Variants in TNXB observed in about 807,000 individuals in gnomAD.
TNXB encodes the protein tenascin XB.
Under a neutral mutation model 340.5 loss-of-function variants are expected in TNXB, and 183 were observed. That is an observed-to-expected ratio of 0.54 (90% CI 0.48 to 0.61). The LOEUF (loss-of-function observed/expected upper bound fraction) is 0.61. TNXB is among the 20% of genes least tolerant of loss of function. TNXB has a pLI of 0.00. For synonymous variants in TNXB, 2,121 were observed against 2,314.5 expected, an observed-to-expected ratio of 0.92 and a Z score of 2.40; for missense variants, 4,613 against 5,446.4, an observed-to-expected ratio of 0.85 and a Z score of 4.82.
chr6:32,087,913 G>A lies in TNXB; in HGVS notation c.2779+872C>T. On this transcript the variant is annotated intron_variant, in intron 6 of 43. Coordinates refer to ENST00000644971, the MANE Select transcript of TNXB (RefSeq NM_001365276.2). This position sits in a 1 kb window ranked among gnomAD's most constrained non-coding sequence, Gnocchi z 9.0. Reference sequence around the variant, plus strand: ...GGGCCAAGGGGGCCGTGGGGGCCGCGGGGCTGGGGCTGGCCGGGGCCGGGA... The same window carrying A: ...GGGCCAAGGGGGCCGTGGGGGCCGCAGGGCTGGGGCTGGCCGGGGCCGGGA... 1 of 343,230 alleles carries A rather than the reference G, an allele frequency of 2.9e-6. No individual in the cohort carries two copies. The highest frequency in any genetic ancestry group is 2.2e-5 in the South Asian group (1 of 45,680). 21.3% of individuals were successfully genotyped at this position (343,230 alleles called of 1,614,324 possible).
rs1259291379 is a variant in TNXB at position 32,067,882 on chromosome 6, G to A, written c.6323C>T (p.Pro2108Leu). 4 of 1,612,890 alleles carry A rather than the reference G, an allele frequency of 2.5e-6. No homozygotes were observed. Among genetic ancestry groups the A allele is most frequent in the Non-Finnish European group, 3.4e-6 (4 of 1,179,876 alleles). Residue 2108 changes from proline (P) to leucine (L), a missense_variant, in exon 18 of 44, where the codon CCT becomes CTT. Pro to Leu is a moderately conservative substitution (Grantham distance 98, BLOSUM62 -3). This residue lies in a region of TNXB where 4,327 missense variants were observed against 4,859.4 expected (regional missense o/e 0.89). Coordinates refer to ENST00000644971, the MANE Select transcript of TNXB (RefSeq NM_001365276.2). This position sits in a 1 kb window ranked among gnomAD's most constrained non-coding sequence, Gnocchi z 4.2. Reference protein sequence around the residue: ...LGELTVTGSSPDSLSLSWTVP... With the variant: ...LGELTVTGSSLDSLSLSWTVP... ...GGTCCAGGAGAGGCTCAGCGAGTCAGGGGAGGATCCTGTCACTGTTAGCTC... is the reference window on the plus strand; with the variant it reads ...GGTCCAGGAGAGGCTCAGCGAGTCAAGGGAGGATCCTGTCACTGTTAGCTC...
chr6:32,098,056 A>C lies in TNXB; in HGVS notation c.143T>G (p.Val48Gly), dbSNP rs1412694151. Residue 48 changes from valine to glycine, a missense_variant, in exon 2 of 44, where the codon GTG becomes GGG. Coordinates refer to ENST00000644971, the MANE Select transcript of TNXB (RefSeq NM_001365276.2). ...RPPPQPGGHT[V>G]GAGVGSPSSQ... is the part of the protein sequence containing the mutation. ...AGAGGGGCTTCCCACTCCAGCCCCC[A>C]CTGTGTGGCCCCCTGGCTGGGGAGG... is the stretch of plus-strand genomic sequence containing the variant. The C allele has an allele frequency of 3.1e-6, 5 of 1,606,766 alleles. No homozygotes were observed. In the Admixed American group the frequency reaches 8.3e-5, roughly 27 times the overall value.
At chr6:32,106,717 C>G (rs1780999214) in intron 1 of TNXB, among the ~76,000 whole-genome samples, 1 of 152,170 alleles carries the variant, frequency 6.6e-6, no homozygotes, top group African/African-American at 2.4e-5. Context: ...GAGAGCTGCC[C>G]TTTCCTGTCT....
At chr6:32,099,541 T>C (rs1254515424) in intron 1 of TNXB, among the ~76,000 whole-genome samples, 2 of 152,066 alleles carry the variant, frequency 1.3e-5, no homozygotes, top group Non-Finnish European at 2.9e-5. Context: ...CTTTCTAATA[T>C]AGAGACAGGA....
Position 32,070,520 on chromosome 6 carries a change from C to T in TNXB, c.4991-106G>A. Reference sequence around the variant, plus strand: ...ACTGCCCAAATGCTCAGTGCTTCCCCAAAATATTTCCATCACCTCCCATCC... The same window carrying T: ...ACTGCCCAAATGCTCAGTGCTTCCCTAAAATATTTCCATCACCTCCCATCC... On this transcript the variant is annotated intron_variant, in intron 13 of 43. Transcript: ENST00000644971. This position sits in a 1 kb window ranked among gnomAD's most constrained non-coding sequence, Gnocchi z 6.0. 8.1e-7 allele frequency: 1 copy of T among 1,229,144 alleles called. No homozygotes were observed. Among genetic ancestry groups the T allele is most frequent in the Non-Finnish European group, 1.1e-6 (1 of 904,694 alleles). The allele number at this position is 1,229,144 out of a possible 1,614,324, so 76.1% of individuals were successfully genotyped here.
At chr6:32,048,225 T>C in intron 29 of TNXB, 138 bp downstream of exon 29, 1 of 1,087,810 alleles carries the variant, frequency 9.2e-7, no homozygotes, top group Non-Finnish European at 1.3e-6. Context: ...AGAGGAGAGC[T>C]CAGGGCCTGG....
At position 32,081,649 on chromosome 6, in the gene TNXB, G is replaced by T. The variant is rs762130701; in HGVS notation, c.3761C>A (p.Pro1254His). ...GGGCTGCTCCAGGAACTCAGGGCGG[G>T]GGGGCTCCTCTTTCCTCTCTGGAGC... ...TTAPERKEEP[P>H]RPEFLEQPLL... Residue 1254 changes from proline (P) to histidine (H), a missense_variant, in exon 10 of 44, where the codon CCC (proline) becomes CAC (histidine). Pro to His is a moderately conservative substitution (Grantham distance 77, BLOSUM62 -2). Coordinates refer to ENST00000644971, the MANE Select transcript of TNXB (RefSeq NM_001365276.2). This position sits in a 1 kb window ranked among gnomAD's most constrained non-coding sequence, Gnocchi z 5.1. 5 of 1,590,924 alleles carry T rather than the reference G, an allele frequency of 3.1e-6. No individual in the cohort carries two copies. Among genetic ancestry groups the T allele is most frequent in the Non-Finnish European group, 4.3e-6 (5 of 1,168,974 alleles).
In TNXB at chr6:32,074,602, C is replaced by T. The variant is rs1778977131; in HGVS notation, c.4376-650G>A. On this transcript the variant is annotated intron_variant, in intron 11 of 43. Coordinates refer to ENST00000644971, the MANE Select transcript of TNXB (RefSeq NM_001365276.2). The surrounding 1 kb of genome is among the most constrained non-coding windows in gnomAD (Gnocchi z 5.5). Reference sequence around the variant, plus strand: ...CTTCCTTGGAGGCCTACTTGTGTGTCAAACTCAACAAGTCCAAAACTGAGC... The same window carrying T: ...CTTCCTTGGAGGCCTACTTGTGTGTTAAACTCAACAAGTCCAAAACTGAGC... Among the ~76,000 whole-genome samples, 1 of 152,170 alleles carries T rather than the reference C, an allele frequency of 6.6e-6. No individual in the cohort carries two copies. Among genetic ancestry groups the T allele is most frequent in the South Asian group, 2.1e-4 (1 of 4,830 alleles).
chr6:32,084,426 A>G lies in TNXB; in HGVS notation c.3432T>C (p.Ala1144=). Residue 1144 remains alanine (A), a synonymous_variant, in exon 8 of 44, where the codon GCT becomes GCC. Transcript: ENST00000644971. The surrounding 1 kb of genome is among the most constrained non-coding windows in gnomAD (Gnocchi z 5.5). ...GCTGTCACTCACAGATCTTGGCTTC[A>G]GCCACCAGCGGACCATGCCTCTTCT... The part of the protein sequence containing the change: ...VGKKRHGPLV[A]EAKILPQSDP... The G allele has an allele frequency of 6.3e-7, 1 of 1,589,508 alleles. No individual in the cohort carries two copies. The highest frequency in any genetic ancestry group is 8.6e-7 in the Non-Finnish European group (1 of 1,164,764).
In TNXB at chr6:32,051,414, TC is replaced by T. The variant is rs1777277336; in HGVS notation, c.9116-1094del. On this transcript the variant is annotated intron_variant, in intron 26 of 43. Transcript: ENST00000644971. This position sits in a 1 kb window ranked among gnomAD's most constrained non-coding sequence, Gnocchi z 4.7. The stretch of plus-strand genomic sequence containing the variant: ...GCAAGAAAAATTCGCTTCAACAAAT[TC>T]TAAGAGAGTTTCCAAATCTGTTACT... Among the ~76,000 whole-genome samples the T allele has an allele frequency of 6.6e-6, 1 of 152,168 alleles. No homozygotes were observed. The highest frequency in any genetic ancestry group is 1.5e-5 in the Non-Finnish European group (1 of 68,036).
At chr6:32,106,820 G>A (rs1348619435) in intron 1 of TNXB, among the ~76,000 whole-genome samples, 1 of 152,234 alleles carries the variant, frequency 6.6e-6, no homozygotes, top group African/African-American at 2.4e-5. Flanking sequence ...CTAAGGCCAT[G>A]CTAATCACTC....
chr6:32,096,240 CA>C lies in TNXB; in HGVS notation c.1612del (p.Cys538AlafsTer33). 1 of 1,569,014 alleles carries C rather than the reference CA, an allele frequency of 6.4e-7. No homozygotes were observed. On this transcript the variant is annotated frameshift_variant, in exon 3 of 44. Transcript: ENST00000644971. LOFTEE classifies it high-confidence loss of function. ...CPGDCRGHGL[C>X]EDGVCVCDAG... ...GTCACACACGCACACGCCATCCTCG[CA>C]AAGGCCGTGCCCACGGCAGTCCCCG...
intron 1 of TNXB, among the ~76,000 whole-genome samples, chr6:32,100,596 G>A (rs1780666223): frequency 6.6e-6 from 1 of 152,064 alleles, no homozygotes; most frequent in Admixed American, 6.6e-5. Flanking sequence ...GGGCGTGGTG[G>A]TACACCTGTA....
rs772832686 is a variant in TNXB, at chr6:32,049,511, C to T, written c.9516G>A (p.Leu3172=). Residue 3172 remains leucine (L), a synonymous_variant, in exon 28 of 44, where the codon TTG becomes TTA. Transcript: ENST00000644971. This position sits in a 1 kb window ranked among gnomAD's most constrained non-coding sequence, Gnocchi z 4.5. ...AGTCAGGGGAGGATCCTGTCACTGTCAACTCCCCCAGGAGCGGCTCCTCAG... is the reference window on the plus strand; with the variant it reads ...AGTCAGGGGAGGATCCTGTCACTGTTAACTCCCCCAGGAGCGGCTCCTCAG... The part of the protein sequence containing the change: ...EAPEEPLLGE[L]TVTGSSPDSL... 1.1e-5 allele frequency: 17 copies of T among 1,612,462 alleles called. No individual in the cohort carries two copies. In the Admixed American group the frequency reaches 1.8e-4, roughly 17 times the overall value.
At position 32,061,760 on chromosome 6, in the gene TNXB, G is replaced by A. The variant is rs754408449; in HGVS notation, c.7169-40C>T. 5.0e-6 allele frequency: 8 copies of A among 1,597,728 alleles called. No homozygotes were observed. In the African/African-American group the frequency reaches 1.1e-4, roughly 21 times the overall value. ...CACAGAGAGGATGGCAGGGTCCCTGGGGGATGTGCTTACGTCGTGGGGAAA... is the reference window on the plus strand; with the variant it reads ...CACAGAGAGGATGGCAGGGTCCCTGAGGGATGTGCTTACGTCGTGGGGAAA... On this transcript the variant is annotated intron_variant, in intron 20 of 43. Transcript: ENST00000644971. This position sits in a 1 kb window ranked among gnomAD's most constrained non-coding sequence, Gnocchi z 4.4.
At position 32,047,812 on chromosome 6, in the gene TNXB, T is replaced by C. The variant is rs917554856; in HGVS notation, c.10246A>G (p.Ser3416Gly). 1.2e-6 allele frequency: 2 copies of C among 1,610,878 alleles called. No individual in the cohort carries two copies. Among genetic ancestry groups the C allele is most frequent in the African/African-American group, 2.7e-5 (2 of 74,900 alleles). The change falls in exon 30 of 44, where the codon AGT becomes GGT. Residue 3416 changes from serine (S) to glycine (G), a missense_variant. Physicochemically the swap from Ser to Gly is moderately conservative, Grantham distance 56. Transcript: ENST00000644971. The surrounding 1 kb of genome is among the most constrained non-coding windows in gnomAD (Gnocchi z 6.2). ...REVTVQGLEP[S>G]RKYRFLLYGL... is the part of the protein sequence containing the mutation. ...TAGAGCAGGAACCTGTATTTCCTAC[T>C]GGGCTCCAGGCCCTGGACTGTGACC...
Position 32,062,086 on chromosome 6 carries a change from C to T in TNXB, c.7168+71G>A. The T allele has an allele frequency of 6.6e-7, 1 of 1,520,416 alleles. No homozygotes were observed. The highest frequency in any genetic ancestry group is 8.9e-7 in the Non-Finnish European group (1 of 1,124,956). 94.2% of individuals were successfully genotyped at this position (1,520,416 alleles called of 1,614,324 possible). On this transcript the variant is annotated intron_variant, in intron 20 of 43. Transcript: ENST00000644971. This position sits in a 1 kb window ranked among gnomAD's most constrained non-coding sequence, Gnocchi z 4.3. ...TGACCAGACCCGTCCCATTCCCCACCAGTCATCACCAAAGAGCAAGAGGGT... is the reference window on the plus strand; with the variant it reads ...TGACCAGACCCGTCCCATTCCCCACTAGTCATCACCAAAGAGCAAGAGGGT...
chr6:32,096,665 C>T lies in TNXB; in HGVS notation c.1188G>A (p.Gly396=). ...GGCAGCTGCGCACGCCGCAGTCGTC[C>T]CCGCTGTAGCCCGTGTCGCAAATGC... The part of the protein sequence containing the change: ...GECICDTGYS[G]DDCGVRSCPG... Residue 396 remains glycine (G), a synonymous_variant, in exon 3 of 44, where the codon GGG becomes GGA. Transcript: ENST00000644971. The T allele has an allele frequency of 6.5e-7, 1 of 1,545,408 alleles. No homozygotes were observed.
In TNXB at chr6:32,079,174, G is replaced by T. The variant is rs761371066; in HGVS notation, c.4234C>A (p.Arg1412=). ...FTVQYKDRDG[R]PRAVRVGGKE... ...CCCCCAACACGCACCGCCCGGGGCC[G>T]CCCATCCCTGTCCTTGTACTGCACG... Residue 1412 remains arginine (R), a synonymous_variant, in exon 11 of 44, where the codon CGG becomes AGG. Transcript: ENST00000644971. The surrounding 1 kb of genome is among the most constrained non-coding windows in gnomAD (Gnocchi z 7.1). 33 of 1,613,670 alleles carry T rather than the reference G, an allele frequency of 2.0e-5. No homozygotes were observed. Among genetic ancestry groups the T allele is most frequent in the Middle Eastern group, 1.7e-4 (1 of 5,956 alleles).
Sources: gnomAD v4.1 joint callset for allele counts (sites outside exome capture counted in the v4.1 genomes callset) on GRCh38, gnomAD v4.1.1 for gene constraint, gnomAD v4.1.1 regional missense constraint, Gnocchi (gnomAD v3.1) non-coding constraint, MANE v1.5 for transcripts, NCBI Gene and HGNC (gene_info 2026-07-23, HGNC 2026-07-21) for gene names.